Variants in TMEM232 observed in about 807,000 individuals in gnomAD.
TMEM232 encodes transmembrane protein 232.
A neutral mutation model predicts 78.8 loss-of-function variants in TMEM232; 80 were observed. That is an observed-to-expected ratio of 1.01 (90% CI 0.85 to 1.22). The LOEUF (loss-of-function observed/expected upper bound fraction) is 1.22, where lower values mean the gene tolerates loss of function less well. Ranked by LOEUF, TMEM232 falls within the 50% of genes most tolerant of loss-of-function variation. The pLI is 0.00. For synonymous variants in TMEM232, 297 were observed against 254.3 expected, an observed-to-expected ratio of 1.17 and a Z score of -1.60; for missense variants, 881 against 742.2, an observed-to-expected ratio of 1.19 and a Z score of -2.17.
At chr5:110,708,944 T>A (rs151038765) in intron 1 of TMEM232, among the ~76,000 whole-genome samples, 6 of 151,834 alleles carry the variant, frequency 4.0e-5, no homozygotes, top group African/African-American at 1.5e-4. Flanking sequence ...AGTGGCCGAA[T>A]GGATGAAAAA....
At chr5:110,574,819 C>T (rs1777387770) in intron 10 of TMEM232, among the ~76,000 whole-genome samples, 1 of 152,094 alleles carries the variant, frequency 6.6e-6, no homozygotes, top group Admixed American at 6.6e-5. Flanking sequence ...CTTCCTTTGG[C>T]TGATTTTAAT....
At chr5:110,668,365 G>C (rs1790884899) in intron 1 of TMEM232, among the ~76,000 whole-genome samples, 1 of 152,134 alleles carries the variant, frequency 6.6e-6, no homozygotes, top group Non-Finnish European at 1.5e-5. Flanking sequence ...TGCCCTCTAA[G>C]AGGGAGCCTG....
At chr5:110,496,732 A>C (rs1453840618) in intron 12 of TMEM232, among the ~76,000 whole-genome samples, 2 of 152,066 alleles carry the variant, frequency 1.3e-5, no homozygotes, top group South Asian at 2.1e-4. Context: ...CTGATTTATA[A>C]ATCTTTCCCT....
At chr5:110,655,992 C>T (rs1169511674) in intron 2 of TMEM232, among the ~76,000 whole-genome samples, 1 of 151,094 alleles carries the variant, frequency 6.6e-6, no homozygotes, top group African/African-American at 2.4e-5. Flanking sequence ...ACCAGCATGG[C>T]ACATGTATAC....
intron 12 of TMEM232, among the ~76,000 whole-genome samples, chr5:110,488,532 T>G (rs149116533): frequency 3.6e-4 from 55 of 152,178 alleles, no homozygotes; most frequent in Non-Finnish European, 7.1e-4. Flanking sequence ...TGAAATAAAT[T>G]GAAATTAAAA....
intron 1 of TMEM232, among the ~76,000 whole-genome samples, chr5:110,697,386 G>A (rs1361240382): frequency 6.6e-6 from 1 of 152,156 alleles, no homozygotes; most frequent in African/African-American, 2.4e-5. Flanking sequence ...ACATAGGCAT[G>A]GGCAAGGACT....
At chr5:110,389,677 G>T (rs1755110787) in intron 4 of TMEM232, among the ~76,000 whole-genome samples, 1 of 152,122 alleles carries the variant, frequency 6.6e-6, no homozygotes, top group Admixed American at 6.5e-5. Flanking sequence ...GCCTTTCAAA[G>T]GACTGAATAT....
chr5:110,704,559 G>A (rs576555297), intron 1 of TMEM232, among the ~76,000 whole-genome samples: 1 of 152,018 alleles, frequency 6.6e-6, no homozygotes, highest in South Asian at 2.1e-4. Flanking sequence ...AATTCCCCCT[G>A]CTTTGCTTGA....
rs539240130 is a variant in TMEM232, at chr5:110,473,448, G to A, written c.1704-48532C>T. Reference sequence around the variant, plus strand: ...AAAAGATAAGTGTTGCCAAGGATGTGAAGAAAAGGGAACCCTTATGCACTG... The same window carrying A: ...AAAAGATAAGTGTTGCCAAGGATGTAAAGAAAAGGGAACCCTTATGCACTG... On this transcript the variant is annotated intron_variant, in intron 12 of 13. Transcript: ENST00000455884. Among the ~76,000 whole-genome samples, 14 of 151,866 alleles carry A rather than the reference G, an allele frequency of 9.2e-5. 1 individual carries two copies. In the East Asian group the frequency reaches 2.3e-3, roughly 25 times the overall value.
At chr5:110,526,648 T>C (rs1288097696) in intron 12 of TMEM232, among the ~76,000 whole-genome samples, 1 of 151,946 alleles carries the variant, frequency 6.6e-6, no homozygotes, top group Non-Finnish European at 1.5e-5. Flanking sequence ...ACTGGAAATA[T>C]GTAACAACAT....
intron 1 of TMEM232, among the ~76,000 whole-genome samples, chr5:110,705,116 C>T (rs1323813622): frequency 1.3e-5 from 2 of 152,134 alleles, no homozygotes; most frequent in East Asian, 3.9e-4. Context: ...CCCATCTCAC[C>T]TGAACTTGGA....
intron 11 of TMEM232, among the ~76,000 whole-genome samples, chr5:110,552,600 G>T (rs944183662): frequency 2.0e-5 from 3 of 152,072 alleles, no homozygotes; most frequent in Non-Finnish European, 2.9e-5. Flanking sequence ...ATATGAAAAA[G>T]ATCAGGCTTT....
chr5:110,532,330 G>A lies in TMEM232; in HGVS notation c.1456-3495C>T, dbSNP rs191446308. Among the ~76,000 whole-genome samples the A allele has an allele frequency of 5.0e-3, 763 of 151,440 alleles. 5 individuals are homozygous for A. Among genetic ancestry groups the A allele is most frequent in the Non-Finnish European group, 7.8e-3 (528 of 67,894 alleles). On this transcript the variant is annotated intron_variant, in intron 11 of 13. Coordinates refer to ENST00000455884, the MANE Select transcript of TMEM232 (RefSeq NM_001039763.4). ...GGCTGAAGACTGACGCTGCCCGATC[G>A]CCTCAGAAGCCCCCTAGACCATCAC...
chr5:110,556,622 G>A (rs1026902407), intron 11 of TMEM232, among the ~76,000 whole-genome samples: 2 of 151,960 alleles, frequency 1.3e-5, no homozygotes, highest in Non-Finnish European at 2.9e-5. Flanking sequence ...CTCGAGCTCC[G>A]GTGATCCACC....
intron 2 of TMEM232, among the ~76,000 whole-genome samples, chr5:110,661,862 A>C (rs1455363027): frequency 6.6e-6 from 1 of 152,142 alleles, no homozygotes; most frequent in Non-Finnish European, 1.5e-5. Flanking sequence ...ATAATGTCTC[A>C]TTGTGGGTTT....
chr5:110,421,245 A>T (rs889817896), intron 13 of TMEM232, among the ~76,000 whole-genome samples: 3 of 151,984 alleles, frequency 2.0e-5, no homozygotes, highest in Non-Finnish European at 4.4e-5. Flanking sequence ...AAAAAGCTCT[A>T]AAGAATTTAT....
At chr5:110,504,393 T>C (rs1766628638) in intron 12 of TMEM232, among the ~76,000 whole-genome samples, 1 of 152,170 alleles carries the variant, frequency 6.6e-6, no homozygotes. Flanking sequence ...AGCTGCAGAA[T>C]TGAAAATAAT....
chr5:110,436,964 A>AT (rs564428237), intron 12 of TMEM232, among the ~76,000 whole-genome samples: 126 of 151,842 alleles, frequency 8.3e-4, no homozygotes, highest in African/African-American at 2.6e-3. Context: ...AAACTTTAGA[A>AT]TTTTTTTTCA....
chr5:110,652,294 G>GCGCGCACACACACA (rs1554069154), intron 2 of TMEM232, among the ~76,000 whole-genome samples: 222 of 145,450 alleles, frequency 1.5e-3, no homozygotes, highest in Middle Eastern at 7.0e-3. Flanking sequence ...GCACGCGCGC[G>GCGCGCACACACACA]CACACACACA....
Sources: allele counts gnomAD v4.1 joint callset (sites outside exome capture counted in the v4.1 genomes callset), GRCh38; gene constraint gnomAD v4.1.1; transcripts MANE v1.5; gene names NCBI Gene and HGNC (gene_info 2026-07-23, HGNC 2026-07-21).